PHF14: variants seen among roughly 807,000 people sequenced by gnomAD.
PHF14 encodes PHD finger protein 14.
In PHF14, 55 loss-of-function variants were observed where a neutral mutation model predicts 117.9. The observed-to-expected ratio is 0.47, with a 90% CI of 0.38 to 0.58. The LOEUF is 0.58. Ranked by LOEUF, PHF14 falls within the 20% of genes least tolerant of loss-of-function variation. The probability of loss-of-function intolerance (pLI) is 0.00; values close to 1 mark genes in which losing one functional copy is unlikely to be tolerated. For synonymous variants in PHF14, 409 were observed against 368.6 expected, an observed-to-expected ratio of 1.11 and a Z score of -1.26; for missense variants, 978 against 1,122.2, an observed-to-expected ratio of 0.87 and a Z score of 1.84.
chr7:10,986,128 G>A (rs1782220217), intron 3 of PHF14, among the ~76,000 whole-genome samples: 1 of 151,590 alleles, frequency 6.6e-6, no homozygotes, highest in Admixed American at 6.6e-5. Context: ...GACAACGACT[G>A]GCTAATGCTT....
chr7:11,007,783 C>T (rs1026765089), intron 4 of PHF14, among the ~76,000 whole-genome samples: 40 of 152,010 alleles, frequency 2.6e-4, no homozygotes, highest in African/African-American at 9.4e-4. Context: ...TCTTTTATCT[C>T]CTTTTTTTTG....
intron 17 of PHF14, among the ~76,000 whole-genome samples, chr7:11,149,009 GTTT>G (rs796880354): frequency 6.8e-6 from 1 of 148,032 alleles, no homozygotes; most frequent in African/African-American, 2.5e-5. Context: ...TTGAAATAGG[GTTT>G]TTTTTTTGTT....
At chr7:11,162,039 C>A (rs948130132) in intron 17 of PHF14, among the ~76,000 whole-genome samples, 6 of 148,502 alleles carry the variant, frequency 4.0e-5, no homozygotes, top group African/African-American at 1.5e-4. Context: ...ATTCTTAGCC[C>A]CTTCAGATCA....
At chr7:11,025,767 C>A (rs1783885966) in intron 6 of PHF14, among the ~76,000 whole-genome samples, 1 of 151,768 alleles carries the variant, frequency 6.6e-6, no homozygotes, top group Admixed American at 6.6e-5. Flanking sequence ...TGCCCTCCAG[C>A]CTAGGTGACA....
intron 17 of PHF14, among the ~76,000 whole-genome samples, chr7:11,147,135 G>T (rs901365753): frequency 1.3e-5 from 2 of 152,032 alleles, no homozygotes; most frequent in Admixed American, 6.5e-5. Flanking sequence ...GGCATAAGCC[G>T]CCACACCCAG....
Position 11,035,634 on chromosome 7 carries a change from G to T in PHF14, c.1456-6G>T. ...TTCACTATTTTTCTGTGCTTTCTTT[G>T]TATAGGATATAGCAGATCCATTCTT... is the stretch of plus-strand genomic sequence containing the variant. On this transcript the variant is annotated splice_region_variant and splice_polypyrimidine_tract_variant and intron_variant, in intron 7 of 17. Coordinates refer to ENST00000634607, the MANE Select transcript of PHF14 (RefSeq NM_001007157.2). 1.3e-6 allele frequency: 2 copies of T among 1,580,408 alleles called. No homozygotes were observed. The highest frequency in any genetic ancestry group is 1.7e-6 in the Non-Finnish European group (2 of 1,159,692).
chr7:10,986,449 G>A (rs1019827091), intron 3 of PHF14, among the ~76,000 whole-genome samples: 1 of 152,120 alleles, frequency 6.6e-6, no homozygotes, highest in East Asian at 1.9e-4. Flanking sequence ...GAGAAAGAGT[G>A]AAAAAGAGAA....
At chr7:11,005,787 C>CTTTTTT (rs951270672) in intron 4 of PHF14, among the ~76,000 whole-genome samples, 147 of 84,436 alleles carry the variant, frequency 1.7e-3, no homozygotes, top group Middle Eastern at 0.012. Flanking sequence ...AGTAAAAATT[C>CTTTTTT]TTTTTTTTTT....
intron 5 of PHF14, 120 bp from the exon 6 acceptor site, chr7:11,022,748 A>T: frequency 2.0e-6 from 1 of 495,922 alleles, no homozygotes; most frequent in Non-Finnish European, 3.6e-6. Flanking sequence ...CGAGATTTTA[A>T]CATTTGATTA....
At chr7:10,999,863 T>C (rs1782798891) in intron 4 of PHF14, among the ~76,000 whole-genome samples, 1 of 152,252 alleles carries the variant, frequency 6.6e-6, no homozygotes, top group Non-Finnish European at 1.5e-5. Flanking sequence ...CAACTCTTCT[T>C]GTGTAATTGA....
intron 16 of PHF14, among the ~76,000 whole-genome samples, chr7:11,099,064 T>C (rs1331244043): frequency 1.3e-5 from 2 of 152,178 alleles, no homozygotes; most frequent in African/African-American, 4.8e-5. Flanking sequence ...TTAAAAAATA[T>C]TCATATTTGG....
Position 11,099,552 on chromosome 7 carries a change from G to A in PHF14, c.2655-11798G>A, listed in dbSNP as rs961340913. On this transcript the variant is annotated intron_variant, in intron 16 of 17. Coordinates refer to ENST00000634607, the MANE Select transcript of PHF14 (RefSeq NM_001007157.2). ...ACACTTTTATATTTCTGTAAGATTT[G>A]TTTTTGCAGTTTTAATTTATCCTCC... 2.6e-5 allele frequency among the ~76,000 whole-genome samples: 4 copies of A among 151,972 alleles called. No individual in the cohort carries two copies. The South Asian group carries it at 6.2e-4, about 24-fold the overall frequency.
At chr7:11,026,398 G>A (rs1037186497) in intron 6 of PHF14, among the ~76,000 whole-genome samples, 4 of 152,130 alleles carry the variant, frequency 2.6e-5, no homozygotes, top group Admixed American at 6.5e-5. Context: ...AAAAATTCTC[G>A]TGATTTGTTT....
At chr7:11,035,829 T>G (rs770148195) in intron 8 of PHF14, 43 bp downstream of exon 8, 8 of 1,501,604 alleles carry the variant, frequency 5.3e-6, no homozygotes, top group Non-Finnish European at 7.2e-6. Context: ...TGTTTTAAGG[T>G]TATGTAAGGA....
intron 16 of PHF14, among the ~76,000 whole-genome samples, chr7:11,098,935 G>A (rs1010108568): frequency 6.6e-6 from 1 of 152,206 alleles, no homozygotes; most frequent in African/African-American, 2.4e-5. Context: ...TGTATGTCAC[G>A]AAGAGATTAG....
intron 17 of PHF14, among the ~76,000 whole-genome samples, chr7:11,165,793 A>G (rs1288660132): frequency 6.6e-6 from 1 of 152,214 alleles, no homozygotes; most frequent in Admixed American, 6.5e-5. Context: ...TCTATCACAA[A>G]TTGATAGTGC....
At chr7:11,074,938 T>C (rs1268762591) in intron 16 of PHF14, among the ~76,000 whole-genome samples, 1 of 105,318 alleles carries the variant, frequency 9.5e-6, no homozygotes, top group Non-Finnish European at 2.0e-5. Flanking sequence ...TTCAGATATC[T>C]TTTTTTTTTT....
At chr7:11,012,700 G>C (rs190657594) in intron 4 of PHF14, among the ~76,000 whole-genome samples, 1 of 152,180 alleles carries the variant, frequency 6.6e-6, no homozygotes, top group African/African-American at 2.4e-5. Flanking sequence ...TACATTAGCT[G>C]CCTAAATAAT....
At chr7:11,078,759 A>C (rs967758666) in intron 16 of PHF14, among the ~76,000 whole-genome samples, 8 of 152,080 alleles carry the variant, frequency 5.3e-5, no homozygotes, top group Admixed American at 4.6e-4. Flanking sequence ...CATGGGAATT[A>C]ATTATAACGC....
Sources: allele counts gnomAD v4.1 joint callset (sites outside exome capture counted in the v4.1 genomes callset), GRCh38; gene constraint gnomAD v4.1.1; transcripts MANE v1.5; gene names NCBI Gene and HGNC (gene_info 2026-07-23, HGNC 2026-07-21).